The following GLE1 variants were observed in gnomAD, a reference collection of about 807,000 sequenced individuals.
GLE1 encodes mRNA export factor GLE1.
In GLE1, 78 loss-of-function variants were observed where a neutral mutation model predicts 97.3. That is an observed-to-expected ratio of 0.80 (90% CI 0.67 to 0.97). GLE1 has a LOEUF of 0.97. GLE1 is among the 50% of genes least tolerant of loss of function. The probability of loss-of-function intolerance (pLI) is 0.00; values close to 1 mark genes in which losing one functional copy is unlikely to be tolerated. For synonymous variants in GLE1, 302 were observed against 313.4 expected (o/e 0.96, Z 0.39); for missense variants, 753 against 857.5 (o/e 0.88, Z 1.52).
chr9:128,514,623 C>T (rs747070684), intron 2 of GLE1, among the ~76,000 whole-genome samples: 3 of 151,604 alleles, frequency 2.0e-5, no homozygotes, highest in Admixed American at 6.6e-5. Flanking sequence ...CCACCATGCC[C>T]GGCTAACTTG....
At chr9:128,526,515 C>T (rs1186747873) in intron 7 of GLE1, among the ~76,000 whole-genome samples, 1 of 152,096 alleles carries the variant, frequency 6.6e-6, no homozygotes, top group Non-Finnish European at 1.5e-5. Context: ...CACCACCACA[C>T]CTGGCTAATT....
chr9:128,506,092 T>A (rs1489952415), intron 1 of GLE1, among the ~76,000 whole-genome samples: 3 of 152,322 alleles, frequency 2.0e-5, no homozygotes. Context: ...AGGCCCGTAA[T>A]CCCAGCACGT....
Position 128,536,961 on chromosome 9 carries a change from G to A in GLE1, c.1776+477G>A, listed in dbSNP as rs1589076034. On this transcript the variant is annotated intron_variant, in intron 12 of 15. Coordinates refer to ENST00000309971, the MANE Select transcript of GLE1 (RefSeq NM_001003722.2). ...AAATTAATAGTTACGGAGACCTAAAGAGAAAAAATAGAAGTTGATTAAATC... is the reference window on the plus strand; with the variant it reads ...AAATTAATAGTTACGGAGACCTAAAAAGAAAAAATAGAAGTTGATTAAATC... 1.8e-5 allele frequency: 3 copies of A among 167,728 alleles called. No homozygotes were observed. In the East Asian group the frequency reaches 5.0e-4, roughly 28 times the overall value. The allele number at this position is 167,728 out of a possible 1,614,324, so 10.4% of individuals were successfully genotyped here. A position where few individuals can be genotyped will look rare whatever the true frequency, so the allele number is the denominator to read the frequency against.
At chr9:128,529,877 C>T (rs1033079108) in intron 9 of GLE1, among the ~76,000 whole-genome samples, 4 of 151,922 alleles carry the variant, frequency 2.6e-5, no homozygotes, top group South Asian at 2.1e-4. Flanking sequence ...CCCGGGTTCA[C>T]GCCATTCTCC....
chr9:128,531,556 G>T (rs937154362), intron 9 of GLE1, among the ~76,000 whole-genome samples: 2 of 151,112 alleles, frequency 1.3e-5, no homozygotes, highest in Non-Finnish European at 2.9e-5. Flanking sequence ...ATGTCGCCGG[G>T]TGTGGTGGCT....
At chr9:128,522,637 A>T (rs760664675) in intron 3 of GLE1, 31 bp from the exon 4 acceptor site, 128 of 73,278 alleles carry the variant, frequency 1.7e-3, no homozygotes, top group Non-Finnish European at 2.4e-3. Flanking sequence ...TTCCATCTTA[A>T]AAAAAAAAAA....
chr9:128,538,029 A>G lies in GLE1; in HGVS notation c.1820A>G (p.Gln607Arg), dbSNP rs1847773316. Residue 607 changes from glutamine to arginine, a missense_variant, in exon 13 of 16, where the codon CAG becomes CGG. Coordinates refer to ENST00000309971, the MANE Select transcript of GLE1 (RefSeq NM_001003722.2). ...GLNHGWRWLA[Q>R]ILNMEPLSDV... ...AATCATGGATGGCGCTGGTTGGCACAGATCTTAAACATGGAGCCCTTGTCA... is the reference window on the plus strand; with the variant it reads ...AATCATGGATGGCGCTGGTTGGCACGGATCTTAAACATGGAGCCCTTGTCA... The G allele has an allele frequency of 1.2e-6, 2 of 1,613,066 alleles. No homozygotes were observed. Among genetic ancestry groups the G allele is most frequent in the African/African-American group, 1.3e-5 (1 of 74,918 alleles).
chr9:128,534,344 G>T (rs1847627266), intron 11 of GLE1, among the ~76,000 whole-genome samples: 1 of 152,120 alleles, frequency 6.6e-6, no homozygotes, highest in Non-Finnish European at 1.5e-5. Flanking sequence ...ACTCCAGCCT[G>T]GGTGACACAG....
chr9:128,539,948 CT>C, intron 14 of GLE1: 1 of 1,033,344 alleles, frequency 9.7e-7, no homozygotes. Flanking sequence ...TGGCTTATGC[CT>C]ATAATTATGC....
chr9:128,530,586 G>A (rs1847463636), intron 9 of GLE1, among the ~76,000 whole-genome samples: 1 of 152,156 alleles, frequency 6.6e-6, no homozygotes, highest in Admixed American at 6.5e-5. Flanking sequence ...TTAATGAATA[G>A]GAGGGAAGGA....
intron 3 of GLE1, among the ~76,000 whole-genome samples, chr9:128,519,809 G>A (rs75161070): frequency 1.2e-4 from 19 of 152,120 alleles, no homozygotes; most frequent in African/African-American, 4.1e-4. Context: ...CTGGTTTTAC[G>A]GCTTGTGGGG....
At chr9:128,521,161 A>G (rs1847140648) in intron 3 of GLE1, among the ~76,000 whole-genome samples, 1 of 151,684 alleles carries the variant, frequency 6.6e-6, no homozygotes, top group Admixed American at 6.6e-5. Context: ...TTTTCTTTCC[A>G]ATTCTCACTT....
At position 128,522,720 on chromosome 9, in the gene GLE1, C is replaced by T. The variant is rs150781935; in HGVS notation, c.485C>T (p.Ser162Leu). ...CAGGAGAGGAAGGTGCAAGCCCTCT[C>T]GGAGATGGCATCTGAACAACTGAAG... ...EEQERKVQAL[S>L]EMASEQLKRF... The change falls in exon 4 of 16, where the codon TCG becomes TTG. Residue 162 changes from serine (S) to leucine (L), a missense_variant. By Grantham distance (145) the Ser-to-Leu change is moderately radical. Coordinates refer to ENST00000309971, the MANE Select transcript of GLE1 (RefSeq NM_001003722.2). 1.3e-5 allele frequency: 21 copies of T among 1,612,076 alleles called. No homozygotes were observed. The highest frequency in any genetic ancestry group is 9.4e-5 in the African/African-American group (7 of 74,376).
chr9:128,523,986 C>G (rs751796522), intron 6 of GLE1, 140 bp downstream of exon 6: 45 of 756,754 alleles, frequency 5.9e-5, no homozygotes, highest in Non-Finnish European at 8.3e-5. Context: ...ATCTCCATAT[C>G]TCTTTACCTA....
At chr9:128,518,147 GC>G (rs1218039159) in intron 3 of GLE1, among the ~76,000 whole-genome samples, 1 of 151,510 alleles carries the variant, frequency 6.6e-6, no homozygotes, top group Non-Finnish European at 1.5e-5. Context: ...AAACTCACGT[GC>G]CTGGCCTATT....
At chr9:128,540,815 G>C in intron 15 of GLE1, 1 of 459,436 alleles carries the variant, frequency 2.2e-6, no homozygotes, top group South Asian at 2.4e-5. Flanking sequence ...TGACTTTTCA[G>C]CTTCTCAAAG....
At chr9:128,517,156 G>A (rs561635216) in intron 3 of GLE1, among the ~76,000 whole-genome samples, 1 of 151,920 alleles carries the variant, frequency 6.6e-6, no homozygotes, top group Non-Finnish European at 1.5e-5. Flanking sequence ...CGGGCATGGT[G>A]GCACATGCCT....
At chr9:128,527,035 G>T in intron 7 of GLE1, 144 bp from the exon 8 acceptor site, 1 of 667,370 alleles carries the variant, frequency 1.5e-6, no homozygotes, top group Admixed American at 2.1e-5. Flanking sequence ...TCTATAAAAT[G>T]GAGATAATAA....
intron 3 of GLE1, among the ~76,000 whole-genome samples, chr9:128,517,333 G>A (rs578055114): frequency 6.6e-6 from 1 of 151,996 alleles, no homozygotes; most frequent in Non-Finnish European, 1.5e-5. Flanking sequence ...CTAACATCTT[G>A]CCTCATTGGT....
Sources: gnomAD v4.1 joint callset for allele counts (sites outside exome capture counted in the v4.1 genomes callset) on GRCh38, gnomAD v4.1.1 for gene constraint, MANE v1.5 for transcripts, NCBI Gene and HGNC (gene_info 2026-07-23, HGNC 2026-07-21) for gene names.